RTL9: variants seen among roughly 807,000 people sequenced by gnomAD.
The protein encoded by RTL9 is retrotransposon Gag-like protein 9.
Under a neutral mutation model 44.7 loss-of-function variants are expected in RTL9, and 19 were observed. The observed-to-expected ratio is 0.42, with a 90% CI of 0.30 to 0.62. The LOEUF (loss-of-function observed/expected upper bound fraction) is 0.62. Ranked by LOEUF, RTL9 falls within the 20% of genes least tolerant of loss-of-function variation. RTL9 has a pLI of 0.16. For missense variants in RTL9, 1,105 were observed against 1,080.6 expected (o/e 1.02, Z -0.32); for synonymous variants, 407 against 398.9 (o/e 1.02, Z -0.24).
intron 1 of RTL9, among the ~76,000 whole-genome samples, chrX:110,433,967 G>A (rs1203332728): frequency 1.8e-5 from 2 of 111,378 alleles, no homozygotes; most frequent in African/African-American, 6.5e-5. Context: ...GGGAGGGACC[G>A]AGGCACACAT....
At position 110,450,573 on chromosome X, in the gene RTL9, T is replaced by C. The variant is rs372961156; in HGVS notation, c.-45T>C. The C allele has an allele frequency of 1.4e-4, 153 of 1,105,873 alleles. 1 individual carries two copies. In the African/African-American group the frequency reaches 2.5e-3, roughly 18 times the overall value. The allele number at this position is 1,105,873 out of a possible 1,213,427, so 91.1% of individuals were successfully genotyped here. On this transcript the variant is annotated 5_prime_UTR_variant, in exon 1 of 2. Transcript: ENST00000540313. ...ACTTGTTTCTTGTTTACAGATTTTC[T>C]TGCCTCCTGGGCTCCCTCCACACTA... is the stretch of plus-strand genomic sequence containing the variant.
chrX:110,455,443 C>T, exon 2 of RTL9: 1 of 846,265 alleles, frequency 1.2e-6, no homozygotes, highest in Non-Finnish European at 1.7e-6. Context: ...GCCTCCCGCT[C>T]CAGGCACATC....
At chrX:110,419,432 C>G (rs2068701943) in intron 1 of RTL9, among the ~76,000 whole-genome samples, 1 of 112,535 alleles carries the variant, frequency 8.9e-6, no homozygotes, top group Non-Finnish European at 1.9e-5. Context: ...TCCTGTTCCT[C>G]TCTTACATTT....
chrX:110,421,973 TG>T (rs1459853467), intron 1 of RTL9, among the ~76,000 whole-genome samples: 1 of 113,256 alleles, frequency 8.8e-6, no homozygotes, highest in African/African-American at 3.2e-5. Context: ...TAGCTCTAAC[TG>T]CTTTGCCTTC....
chrX:110,379,073 C>A (rs763778948), intron 1 of RTL9, among the ~76,000 whole-genome samples: 1 of 112,076 alleles, frequency 8.9e-6, no homozygotes, highest in African/African-American at 3.2e-5. Context: ...AGTTTGGAGA[C>A]CTTTCCCTGA....
chrX:110,365,553 T>G (rs1308985001), intron 1 of RTL9, among the ~76,000 whole-genome samples: 1 of 111,946 alleles, frequency 8.9e-6, no homozygotes, highest in African/African-American at 3.3e-5. Flanking sequence ...ACATAATAAC[T>G]TTTGGGGAGA....
chrX:110,451,096 A>C, exon 1 of RTL9: 1 of 1,212,294 alleles, frequency 8.2e-7, no homozygotes, highest in Non-Finnish European at 1.1e-6. Context: ...GTAGCACCAG[A>C]TTCTGCAGAG....
At chrX:110,431,385 C>T (rs767630945) in intron 1 of RTL9, among the ~76,000 whole-genome samples, 4 of 106,647 alleles carry the variant, frequency 3.8e-5, no homozygotes, top group Non-Finnish European at 3.8e-5. Flanking sequence ...GGGAGGAATA[C>T]CAGGATTCTG....
chrX:110,443,652 C>T (rs1194233154), intron 1 of RTL9, among the ~76,000 whole-genome samples: 1 of 112,175 alleles, frequency 8.9e-6, no homozygotes, highest in Non-Finnish European at 1.9e-5. Context: ...TTTGAGAGAA[C>T]AGAAGATTGG....
At chrX:110,410,692 A>G (rs1337677370) in intron 1 of RTL9, among the ~76,000 whole-genome samples, 2 of 111,730 alleles carry the variant, frequency 1.8e-5, no homozygotes, top group African/African-American at 6.5e-5. Context: ...TGGAGGGAGA[A>G]GGGAAACATT....
At chrX:110,399,977 C>T (rs754304134) in intron 1 of RTL9, among the ~76,000 whole-genome samples, 12 of 111,054 alleles carry the variant, frequency 1.1e-4, no homozygotes, top group Non-Finnish European at 1.1e-4. Flanking sequence ...CACATTTCAA[C>T]GGAAAGACAT....
At chrX:110,391,077 G>C (rs1466267759) in intron 1 of RTL9, among the ~76,000 whole-genome samples, 2 of 111,728 alleles carry the variant, frequency 1.8e-5, no homozygotes, top group Non-Finnish European at 3.8e-5. Flanking sequence ...CCATGACTTT[G>C]GGTTATTTTC....
chrX:110,399,157 T>A (rs917611382), intron 1 of RTL9, among the ~76,000 whole-genome samples: 2 of 112,285 alleles, frequency 1.8e-5, no homozygotes, highest in African/African-American at 6.5e-5. Context: ...ATACAGTGTA[T>A]CACATAATGA....
intron 1 of RTL9, among the ~76,000 whole-genome samples, chrX:110,421,287 T>C (rs2068715395): frequency 8.9e-6 from 1 of 112,743 alleles, no homozygotes; most frequent in South Asian, 3.7e-4. Flanking sequence ...GAGAGATGCT[T>C]GCTTTTCATA....
Position 110,382,853 on chromosome X carries a change from C to T in RTL9, c.-168+23937C>T, listed in dbSNP as rs776167930. 5.4e-5 allele frequency among the ~76,000 whole-genome samples: 6 copies of T among 111,946 alleles called. No homozygotes were observed. In the South Asian group the frequency reaches 2.3e-3, roughly 42 times the overall value. On this transcript the variant is annotated intron_variant, in intron 1 of 2. Transcript: ENST00000520821. ...TGGACCAGGCTTCCTGCCTCTAATT[C>T]GTTTCTTCCTCCCTCTAATTGAGGC...
intron 1 of RTL9, among the ~76,000 whole-genome samples, chrX:110,379,113 A>T (rs949244944): frequency 3.6e-5 from 4 of 111,612 alleles, no homozygotes; most frequent in Non-Finnish European, 7.5e-5. Flanking sequence ...CTCTTTCATG[A>T]TACTCGTTAT....
In RTL9 at chrX:110,452,081, C is replaced by A; in HGVS notation, c.1464C>A (p.Tyr488Ter). The A allele has an allele frequency of 8.3e-7, 1 of 1,211,131 alleles. No individual in the cohort carries two copies. Among genetic ancestry groups the A allele is most frequent in the Non-Finnish European group, 1.1e-6 (1 of 895,306 alleles). ...CTATGAAAGCCGTGGCAAAACAATA[C>A]AAGAGAGCCACAGCCTCTGGAAAGA... Residue 488 changes from tyrosine (Y) to a stop codon, truncating the protein, a stop_gained, in exon 1 of 2, where the codon TAC (tyrosine) becomes TAA (stop). Transcript: ENST00000540313. LOFTEE classifies it high-confidence loss of function.
chrX:110,453,424 T>A (rs763325575), exon 1 of RTL9: 3 of 1,209,953 alleles, frequency 2.5e-6, no homozygotes, highest in Non-Finnish European at 3.4e-6. Context: ...TCTGGACATA[T>A]GTCCACTGCA....
intron 1 of RTL9, among the ~76,000 whole-genome samples, chrX:110,442,797 C>A (rs189732036): frequency 9.0e-6 from 1 of 111,702 alleles, no homozygotes; most frequent in African/African-American, 3.3e-5. Context: ...CTTGGTACCA[C>A]GTGACCCTGC....
Sources: gnomAD v4.1 joint callset for allele counts (sites outside exome capture counted in the v4.1 genomes callset) on GRCh38, gnomAD v4.1.1 for gene constraint, MANE v1.5 for transcripts, NCBI Gene and HGNC (gene_info 2026-07-23, HGNC 2026-07-21) for gene names.